GAN: variants seen among roughly 807,000 people sequenced by gnomAD.
The protein encoded by GAN is gigaxonin.
Under a neutral mutation model 71.3 loss-of-function variants are expected in GAN, and 48 were observed. The observed-to-expected ratio is 0.67, with a 90% CI of 0.53 to 0.86. The LOEUF is 0.86. Among genes scored for constraint, GAN ranks in the 40% least tolerant of loss-of-function variants. The probability of loss-of-function intolerance (pLI) is 0.00; values close to 1 mark genes in which losing one functional copy is unlikely to be tolerated. For missense variants in GAN, 928 were observed against 770.1 expected, an observed-to-expected ratio of 1.21 and a Z score of -2.43; for synonymous variants, 386 against 276.8, an observed-to-expected ratio of 1.39 and a Z score of -3.92.
Position 81,388,649 on chromosome 16 carries a change from T to C in GAN, c.*11053T>C, listed in dbSNP as rs1904474623. On this transcript the variant is annotated 3_prime_UTR_variant, in exon 11 of 11. Coordinates refer to ENST00000648994, the MANE Select transcript of GAN (RefSeq NM_022041.4). The stretch of plus-strand genomic sequence containing the variant: ...AGGCTCCCGGACGTGCTCGGCCCGG[T>C]GGCCTCTTGTGTGACAGGCCCTCTG... 6.6e-6 allele frequency: 1 copy of C among 152,440 alleles called. No individual in the cohort carries two copies. Among genetic ancestry groups the C allele is most frequent in the Non-Finnish European group, 1.5e-5 (1 of 68,220 alleles). The allele number at this position is 152,440 out of a possible 1,614,324, so 9.4% of individuals were successfully genotyped here.
intron 4 of GAN, among the ~76,000 whole-genome samples, chr16:81,357,218 T>G (rs1330187441): frequency 1.3e-5 from 2 of 152,264 alleles, no homozygotes; most frequent in Admixed American, 6.5e-5. Flanking sequence ...AACTCATCAT[T>G]TAGCATTAGA....
At position 81,357,930 on chromosome 16, in the gene GAN, A is replaced by T. The variant is rs1430569033; in HGVS notation, c.972A>T (p.Ala324=). 1.9e-6 allele frequency: 3 copies of T among 1,613,560 alleles called. No individual in the cohort carries two copies. Among genetic ancestry groups the T allele is most frequent in the Non-Finnish European group, 2.5e-6 (3 of 1,179,648 alleles). Residue 324 remains alanine, a splice_region_variant and synonymous_variant, in exon 5 of 11, where the codon GCA becomes GCT. Coordinates refer to ENST00000648994, the MANE Select transcript of GAN (RefSeq NM_022041.4). ...GAATTAACCATGGAGTTCTCTCAGCAGGTACCGTTCTGTGGCAAATTTTCC... is the reference window on the plus strand; with the variant it reads ...GAATTAACCATGGAGTTCTCTCAGCTGGTACCGTTCTGTGGCAAATTTTCC... ...MPRINHGVLS[A]EGFLFVFGGQ...
chr16:81,332,400 G>C (rs564974900), intron 1 of GAN, among the ~76,000 whole-genome samples: 2 of 152,260 alleles, frequency 1.3e-5, no homozygotes, highest in South Asian at 4.1e-4. Flanking sequence ...ACTGGTCCTT[G>C]ACTCATATTT....
In GAN at chr16:81,356,853, G is replaced by A. The variant is rs765854711; in HGVS notation, c.702G>A (p.Gln234=). 6.2e-7 allele frequency: 1 copy of A among 1,613,798 alleles called. No individual in the cohort carries two copies. The highest frequency in any genetic ancestry group is 8.5e-7 in the Non-Finnish European group (1 of 1,179,674). ...SGLDSSYLRE[Q]MLNEPLVREI... ...TGGACTCCAGTTATTTACGGGAACA[G>A]ATGCTGAATGAACCATTAGTACGAG... Residue 234 remains glutamine (Q), a synonymous_variant, in exon 4 of 11, where the codon CAG becomes CAA. Transcript: ENST00000648994.
At chr16:81,364,661 C>T (rs186531493) in intron 7 of GAN, among the ~76,000 whole-genome samples, 51 of 152,164 alleles carry the variant, frequency 3.4e-4, no homozygotes, top group African/African-American at 1.2e-3. Flanking sequence ...TGCACTCCAG[C>T]CAAGGCAACT....
At chr16:81,375,410 C>CA (rs1250605330) in intron 9 of GAN, among the ~76,000 whole-genome samples, 1 of 140,588 alleles carries the variant, frequency 7.1e-6, no homozygotes, top group East Asian at 2.2e-4. Flanking sequence ...GATCTCAACT[C>CA]ACTGCAGCCT....
intron 1 of GAN, 40 bp downstream of exon 1, chr16:81,315,320 CCCGGAG>C (rs934881700): frequency 1.4e-5 from 20 of 1,382,186 alleles, no homozygotes; most frequent in Non-Finnish European, 1.6e-5. Context: ...GGCGGTGCTG[CCCGGAG>C]CCGGAGGCGG....
At position 81,360,928 on chromosome 16, in the gene GAN, A is replaced by G. The variant is rs1910652290; in HGVS notation, c.974-1571A>G. 3.9e-5 allele frequency among the ~76,000 whole-genome samples: 6 copies of G among 152,164 alleles called. No homozygotes were observed. In the South Asian group the frequency reaches 1.2e-3, roughly 32 times the overall value. ...TGGCTGCATGCTGCTCATTTATTAA[A>G]CATTATTTGTAGCAGCCGGGCGCAG... On this transcript the variant is annotated intron_variant, in intron 5 of 10. Transcript: ENST00000648994.
At position 81,356,910 on chromosome 16, in the gene GAN, C is replaced by T. The variant is rs1046641258; in HGVS notation, c.759C>T (p.Leu253=). 3 of 1,613,756 alleles carry T rather than the reference C, an allele frequency of 1.9e-6. No individual in the cohort carries two copies. The highest frequency in any genetic ancestry group is 2.5e-6 in the Non-Finnish European group (3 of 1,179,750). ...TCAAAGAGTGTAGCAATATACCGCT[C>T]AGCCAGCCGCAGCAAGGGGAGGCGA... ...EIVKECSNIP[L]SQPQQGEAML... is the part of the protein sequence containing the mutation. The change falls in exon 4 of 11, where the codon CTC becomes CTT. Residue 253 remains leucine (L), a synonymous_variant. Transcript: ENST00000648994.
At chr16:81,335,522 A>G (rs1362739854) in intron 1 of GAN, among the ~76,000 whole-genome samples, 1 of 152,088 alleles carries the variant, frequency 6.6e-6, no homozygotes, top group African/African-American at 2.4e-5. Flanking sequence ...CAAGGTGGGC[A>G]GATCAACTGA....
intron 1 of GAN, among the ~76,000 whole-genome samples, chr16:81,324,120 T>C (rs1335670368): frequency 1.3e-5 from 2 of 152,208 alleles, no homozygotes; most frequent in Non-Finnish European, 2.9e-5. Flanking sequence ...TTTAATTGGC[T>C]GATTTGACCC....
In GAN at chr16:81,377,810, C is replaced by T. The variant is rs886052338; in HGVS notation, c.*214C>T. Reference sequence around the variant, plus strand: ...AACTACCTGGGAGGAGTGAGTTCCTCCAGTTAAATGTGGCTGTAGATGTTG... The same window carrying T: ...AACTACCTGGGAGGAGTGAGTTCCTTCAGTTAAATGTGGCTGTAGATGTTG... On this transcript the variant is annotated 3_prime_UTR_variant, in exon 11 of 11. Transcript: ENST00000648994. 5.1e-6 allele frequency: 3 copies of T among 592,152 alleles called. No individual in the cohort carries two copies. Among genetic ancestry groups the T allele is most frequent in the Non-Finnish European group, 3.0e-6 (1 of 331,044 alleles). 36.7% of individuals were successfully genotyped at this position (592,152 alleles called of 1,614,324 possible). A position where few individuals can be genotyped will look rare whatever the true frequency, so the allele number is the denominator to read the frequency against.
intron 5 of GAN, among the ~76,000 whole-genome samples, chr16:81,358,252 C>G (rs928466093): frequency 1.3e-5 from 2 of 152,178 alleles, no homozygotes; most frequent in Admixed American, 6.5e-5. Flanking sequence ...CACAGCGTTT[C>G]TTTGCACCAT....
chr16:81,327,786 A>C (rs1182742879), intron 1 of GAN, among the ~76,000 whole-genome samples: 1 of 152,224 alleles, frequency 6.6e-6, no homozygotes, highest in East Asian at 1.9e-4. Context: ...GAAACTTGTA[A>C]GAGTGCTCCC....
chr16:81,343,507 C>T lies in GAN; in HGVS notation c.168-8076C>T, dbSNP rs531390921. Among the ~76,000 whole-genome samples, 12 of 152,180 alleles carry T rather than the reference C, an allele frequency of 7.9e-5. No homozygotes were observed. The East Asian group carries it at 1.9e-3, about 25-fold the overall frequency. ...TAATCCATCACATAAGCAGAACCAACGACAAAAACCACATGATTATCTCAA... is the reference window on the plus strand; with the variant it reads ...TAATCCATCACATAAGCAGAACCAATGACAAAAACCACATGATTATCTCAA... On this transcript the variant is annotated intron_variant, in intron 1 of 10. Transcript: ENST00000648994.
rs1173095529 is a variant in GAN, at chr16:81,388,415, G to A, written c.*10819G>A. The A allele has an allele frequency of 1.3e-5, 2 of 152,658 alleles. No individual in the cohort carries two copies. Among genetic ancestry groups the A allele is most frequent in the East Asian group, 3.9e-4 (2 of 5,192 alleles). 9.5% of individuals were successfully genotyped at this position (152,658 alleles called of 1,614,324 possible). A position where few individuals can be genotyped will look rare whatever the true frequency, so the allele number is the denominator to read the frequency against. ...CAACCAGCTGGCCCTGGCTGTGAGA[G>A]TCAGATCTGTCCCCAAGGCTCCAGG... is the stretch of plus-strand genomic sequence containing the variant. On this transcript the variant is annotated 3_prime_UTR_variant, in exon 11 of 11. Coordinates refer to ENST00000648994, the MANE Select transcript of GAN (RefSeq NM_022041.4).
rs183601802 is a variant in GAN, at chr16:81,352,024, G to T, written c.282+327G>T. On this transcript the variant is annotated intron_variant, in intron 2 of 10. Coordinates refer to ENST00000648994, the MANE Select transcript of GAN (RefSeq NM_022041.4). ...TTTTTGGTTTTTGCTTTGGAATCCCGATTCCAGTCTTGCTTTGTATCCATA... is the reference window on the plus strand; with the variant it reads ...TTTTTGGTTTTTGCTTTGGAATCCCTATTCCAGTCTTGCTTTGTATCCATA... 2.6e-5 allele frequency among the ~76,000 whole-genome samples: 4 copies of T among 152,210 alleles called. No homozygotes were observed. In the South Asian group the frequency reaches 8.3e-4, roughly 32 times the overall value.
intron 1 of GAN, among the ~76,000 whole-genome samples, chr16:81,327,313 G>A (rs574425745): frequency 1.3e-5 from 2 of 152,128 alleles, no homozygotes; most frequent in Non-Finnish European, 2.9e-5. Flanking sequence ...TTAAGGAGGC[G>A]CCAGAAGCAA....
At chr16:81,318,858 T>C (rs1909131374) in intron 1 of GAN, among the ~76,000 whole-genome samples, 1 of 152,184 alleles carries the variant, frequency 6.6e-6, no homozygotes, top group African/African-American at 2.4e-5. Context: ...CATGCAGCCC[T>C]AGGGTGCAGC....
Sources: gnomAD v4.1 joint callset for allele counts (sites outside exome capture counted in the v4.1 genomes callset) on GRCh38, gnomAD v4.1.1 for gene constraint, MANE v1.5 for transcripts, NCBI Gene and HGNC (gene_info 2026-07-23, HGNC 2026-07-21) for gene names.